The following RMDN2 variants were observed in gnomAD, a reference collection of about 807,000 sequenced individuals.
RMDN2 encodes regulator of microtubule dynamics protein 2.
A neutral mutation model predicts 52.8 loss-of-function variants in RMDN2; 61 were observed. The ratio of observed to expected loss-of-function variants is 1.16; its 90% CI spans 0.94 to 1.43. The LOEUF (loss-of-function observed/expected upper bound fraction) is 1.43. Among genes scored for constraint, RMDN2 ranks in the 40% most tolerant of loss-of-function variants. The pLI, the probability that RMDN2 is intolerant of heterozygous loss-of-function variation, is 0.00. For synonymous variants in RMDN2, 180 were observed against 153.1 expected, an observed-to-expected ratio of 1.18 and a Z score of -1.30; for missense variants, 592 against 475.3, an observed-to-expected ratio of 1.25 and a Z score of -2.28.
At chr2:38,045,646 A>T (rs1235508397) in intron 10 of RMDN2, among the ~76,000 whole-genome samples, 1 of 152,040 alleles carries the variant, frequency 6.6e-6, no homozygotes, top group Non-Finnish European at 1.5e-5. Flanking sequence ...ACATAAAAAA[A>T]TTAAGAAGCA....
At chr2:38,059,735 A>C (rs912261664) in intron 10 of RMDN2, among the ~76,000 whole-genome samples, 3 of 152,102 alleles carry the variant, frequency 2.0e-5, no homozygotes, top group African/African-American at 7.2e-5. Flanking sequence ...AGAAAATGAG[A>C]AAGGTGCTGA....
chr2:37,940,974 C>G (rs1667735197), intron 2 of RMDN2, among the ~76,000 whole-genome samples: 1 of 152,020 alleles, frequency 6.6e-6, no homozygotes, highest in Non-Finnish European at 1.5e-5. Context: ...AAGAGTCATT[C>G]TGGTTTTTGG....
Position 37,935,811 on chromosome 2 carries a change from CTTT to C in RMDN2, c.452+6085_452+6087del. On this transcript the variant is annotated intron_variant, in intron 2 of 10. Coordinates refer to ENST00000354545, the MANE Select transcript of RMDN2 (RefSeq NM_001170791.3). ...TGTATATATATAAAATTATTTCATTCTTTTTAAGTGCTATGCTGCATTCCTTTG... is the reference window on the plus strand; with the variant it reads ...TGTATATATATAAAATTATTTCATTCTTAAGTGCTATGCTGCATTCCTTTG... Among the ~76,000 whole-genome samples, 6 of 152,006 alleles carry C rather than the reference CTTT, an allele frequency of 3.9e-5. 1 individual carries two copies. Among genetic ancestry groups the C allele is most frequent in the Admixed American group, 3.9e-4 (6 of 15,278 alleles).
chr2:37,951,893 TC>T (rs1251030028), intron 2 of RMDN2: 1 of 1,613,308 alleles, frequency 6.2e-7, no homozygotes, highest in Non-Finnish European at 8.5e-7. Context: ...CCTCTCCCGA[TC>T]AACAAAATGG....
At chr2:37,997,800 G>C in intron 8 of RMDN2, 2 of 335,764 alleles carry the variant, frequency 6.0e-6, no homozygotes, top group Admixed American at 4.6e-5. Context: ...TTACTGCTAA[G>C]TCCAAGAACA....
chr2:37,977,334 C>A (rs1038504302), intron 4 of RMDN2, among the ~76,000 whole-genome samples: 2 of 152,238 alleles, frequency 1.3e-5, no homozygotes, highest in African/African-American at 4.8e-5. Flanking sequence ...CATCATGGCC[C>A]GTTCTCAACG....
intron 10 of RMDN2, among the ~76,000 whole-genome samples, chr2:38,023,526 C>T (rs1490245654): frequency 1.3e-5 from 2 of 152,066 alleles, no homozygotes; most frequent in African/African-American, 2.4e-5. Flanking sequence ...CCTTCCCCTC[C>T]TCCACAAGAT....
At chr2:37,949,805 G>C (rs951605741) in intron 2 of RMDN2, 1 of 152,830 alleles carries the variant, frequency 6.5e-6, no homozygotes, top group Non-Finnish European at 1.5e-5. Context: ...ACACATACAC[G>C]TATACCTGTT....
At chr2:37,957,007 A>G (rs1303450435) in intron 2 of RMDN2, among the ~76,000 whole-genome samples, 3 of 152,180 alleles carry the variant, frequency 2.0e-5, no homozygotes, top group Admixed American at 2.0e-4. Context: ...ATGGTTGCAT[A>G]GTATTCCATG....
intron 10 of RMDN2, among the ~76,000 whole-genome samples, chr2:38,050,192 C>G (rs1411130240): frequency 6.6e-6 from 1 of 152,042 alleles, no homozygotes; most frequent in Non-Finnish European, 1.5e-5. Flanking sequence ...TGTGAGACCT[C>G]GCACCATGGC....
At chr2:37,950,282 T>C in intron 2 of RMDN2, 1 of 543,690 alleles carries the variant, frequency 1.8e-6, no homozygotes, top group Non-Finnish European at 3.3e-6. Context: ...TATCCAGCTG[T>C]TTTCCCACCC....
chr2:37,942,165 G>A (rs966669835), intron 2 of RMDN2, among the ~76,000 whole-genome samples: 9 of 152,034 alleles, frequency 5.9e-5, no homozygotes, highest in Non-Finnish European at 1.3e-4. Flanking sequence ...GGAGTTCTCC[G>A]ACCCCTTGCA....
intron 10 of RMDN2, among the ~76,000 whole-genome samples, chr2:38,038,477 G>C (rs1048406172): frequency 6.6e-6 from 1 of 152,158 alleles, no homozygotes; most frequent in South Asian, 2.1e-4. Flanking sequence ...GGGAAACTCC[G>C]AACTGTCTCC....
intron 4 of RMDN2, 41 bp downstream of exon 4, chr2:37,975,355 A>T (rs1183874928): frequency 8.6e-7 from 1 of 1,169,084 alleles, no homozygotes; most frequent in Admixed American, 1.7e-5. Flanking sequence ...AGCAATTAAG[A>T]TCTATAGTAA....
chr2:37,966,378 C>T (rs1671052527), intron 2 of RMDN2, among the ~76,000 whole-genome samples: 1 of 151,730 alleles, frequency 6.6e-6, no homozygotes, highest in African/African-American at 2.4e-5. Context: ...GATCATGCCA[C>T]TGCATTCCAG....
intron 2 of RMDN2, among the ~76,000 whole-genome samples, chr2:37,954,917 A>G (rs1404475941): frequency 6.6e-6 from 1 of 152,056 alleles, no homozygotes; most frequent in East Asian, 1.9e-4. Context: ...TCATCTCCTT[A>G]GTTAAGTTTA....
chr2:38,046,391 A>AT (rs1326332497), intron 10 of RMDN2, among the ~76,000 whole-genome samples: 1 of 152,168 alleles, frequency 6.6e-6, no homozygotes, highest in Non-Finnish European at 1.5e-5. Flanking sequence ...TAATAATAAT[A>AT]TTTTTTAAAA....
intron 2 of RMDN2, among the ~76,000 whole-genome samples, chr2:37,936,307 G>A (rs1010670557): frequency 5.9e-5 from 9 of 151,656 alleles, no homozygotes; most frequent in African/African-American, 1.5e-4. Flanking sequence ...ATTGATGGAC[G>A]GTTGGTTCCA....
chr2:37,974,302 C>G, intron 3 of RMDN2, 88 bp downstream of exon 3: 2 of 804,968 alleles, frequency 2.5e-6, no homozygotes, highest in Admixed American at 3.5e-5. Flanking sequence ...ATAATTGTGT[C>G]ATGGTTCCCA....
Sources: allele counts gnomAD v4.1 joint callset (sites outside exome capture counted in the v4.1 genomes callset), GRCh38; gene constraint gnomAD v4.1.1; transcripts MANE v1.5; gene names NCBI Gene and HGNC (gene_info 2026-07-23, HGNC 2026-07-21).